The following LRP1B variants were observed in gnomAD, a reference collection of about 807,000 sequenced individuals.
LRP1B encodes the protein LDL receptor related protein 1B.
A neutral mutation model predicts 556.6 loss-of-function variants in LRP1B; 217 were observed. The ratio of observed to expected loss-of-function variants is 0.39; its 90% CI spans 0.35 to 0.44. LRP1B has a LOEUF of 0.44. Ranked by LOEUF, LRP1B falls within the 20% of genes least tolerant of loss-of-function variation. LRP1B has a pLI of 1.00. For missense variants in LRP1B, 5,053 were observed against 5,620.8 expected (o/e 0.90, Z 3.23); for synonymous variants, 2,047 against 1,865.8 (o/e 1.10, Z -2.50).
At chr2:141,851,887 C>G (rs930547827) in intron 1 of LRP1B, among the ~76,000 whole-genome samples, 2 of 151,686 alleles carry the variant, frequency 1.3e-5, no homozygotes, top group African/African-American at 4.8e-5. Flanking sequence ...TCCCTGCTCT[C>G]AAGAGAGTGA....
intron 3 of LRP1B, among the ~76,000 whole-genome samples, chr2:141,463,563 TATTATATATTATATATA>T (rs1315157425): frequency 2.1e-4 from 3 of 14,382 alleles, no homozygotes; most frequent in Non-Finnish European, 3.6e-4. Context: ...ATATAATATA[TATTATATATTATATATA>T]ATTATATATA....
At chr2:141,406,264 T>C (rs761588394) in intron 3 of LRP1B, among the ~76,000 whole-genome samples, 1 of 152,104 alleles carries the variant, frequency 6.6e-6, no homozygotes, top group Non-Finnish European at 1.5e-5. Flanking sequence ...AATTTGGCAG[T>C]ATGTGAATAT....
At chr2:140,588,770 T>C (rs1167089463) in intron 43 of LRP1B, among the ~76,000 whole-genome samples, 3 of 152,144 alleles carry the variant, frequency 2.0e-5, no homozygotes, top group South Asian at 2.1e-4. Context: ...TCAGCCTGGC[T>C]AACACGGTGA....
intron 32 of LRP1B, among the ~76,000 whole-genome samples, chr2:140,780,599 T>C (rs1689663975): frequency 6.6e-6 from 1 of 152,154 alleles, no homozygotes; most frequent in Admixed American, 6.5e-5. Context: ...CAATGGGTCT[T>C]GAGCAGAAAC....
intron 2 of LRP1B, among the ~76,000 whole-genome samples, chr2:141,711,632 C>T (rs551014742): frequency 1.1e-4 from 16 of 152,228 alleles, no homozygotes; most frequent in Non-Finnish European, 2.1e-4. Flanking sequence ...AAATAAAATT[C>T]CCTTTAATAT....
intron 2 of LRP1B, among the ~76,000 whole-genome samples, chr2:141,536,946 T>C (rs1194946065): frequency 6.6e-6 from 1 of 151,534 alleles, no homozygotes; most frequent in Non-Finnish European, 1.5e-5. Flanking sequence ...TCACCAATTC[T>C]CCCCATACCT....
intron 1 of LRP1B, among the ~76,000 whole-genome samples, chr2:141,944,721 G>A (rs1272568712): frequency 6.6e-6 from 1 of 152,012 alleles, no homozygotes; most frequent in Non-Finnish European, 1.5e-5. Context: ...AGAATGACCA[G>A]GACTAAAAAA....
intron 83 of LRP1B, among the ~76,000 whole-genome samples, chr2:140,300,962 T>C (rs1683795318): frequency 6.6e-6 from 1 of 152,114 alleles, no homozygotes; most frequent in Non-Finnish European, 1.5e-5. Context: ...TGGTTATGTC[T>C]ACCAAGGTAC....
intron 2 of LRP1B, among the ~76,000 whole-genome samples, chr2:141,515,733 T>C (rs976758755): frequency 1.3e-5 from 2 of 152,108 alleles, no homozygotes; most frequent in African/African-American, 4.8e-5. Flanking sequence ...CAAGGGGAAA[T>C]GATATGATAT....
chr2:140,804,649 ATTTTT>A (rs869167644), intron 32 of LRP1B, among the ~76,000 whole-genome samples: 3 of 57,936 alleles, frequency 5.2e-5, no homozygotes, highest in Non-Finnish European at 6.9e-5. Flanking sequence ...GTAAAAACTA[ATTTTT>A]TTTTTTTTTT....
chr2:141,020,311 G>T (rs113909090), intron 11 of LRP1B, among the ~76,000 whole-genome samples: 12 of 151,846 alleles, frequency 7.9e-5, no homozygotes, highest in African/African-American at 2.4e-4. Flanking sequence ...GTGAATAATA[G>T]GCCCTCTCTC....
chr2:141,875,869 G>GT (rs1294287223), intron 1 of LRP1B, among the ~76,000 whole-genome samples: 2 of 151,852 alleles, frequency 1.3e-5, no homozygotes, highest in African/African-American at 4.8e-5. Context: ...ACTTATATAT[G>GT]TTTTTTCCAA....
intron 43 of LRP1B, among the ~76,000 whole-genome samples, chr2:140,553,422 A>AACACAC (rs61540618): frequency 0.053 from 7,893 of 148,228 alleles, 396 homozygotes; most frequent in African/African-American, 0.14. Flanking sequence ...TTGTGCTCTT[A>AACACAC]ACACACACAC....
rs1559173827 is a variant in LRP1B, at chr2:140,883,859, G to A, written c.4127C>T (p.Ala1376Val). ...AGCAATGGCCCTGGGGTGTTCCATGGCTCCTGCTATTAGTGTAGTTCTTAG... is the reference window on the plus strand; with the variant it reads ...AGCAATGGCCCTGGGGTGTTCCATGACTCCTGCTATTAGTGTAGTTCTTAG... ...GSLRTTLIAG[A>V]MEHPRAIALD... Residue 1376 changes from alanine to valine, a missense_variant, in exon 25 of 91, where the codon GCC (alanine) becomes GTC (valine). By Grantham distance (64) the Ala-to-Val change is moderately conservative (BLOSUM62 0). Transcript: ENST00000389484. 6.2e-7 allele frequency: 1 copy of A among 1,613,866 alleles called. No individual in the cohort carries two copies. Among genetic ancestry groups the A allele is most frequent in the South Asian group, 1.1e-5 (1 of 91,070 alleles).
intron 2 of LRP1B, among the ~76,000 whole-genome samples, chr2:141,696,899 G>A (rs978272238): frequency 2.0e-5 from 3 of 151,836 alleles, no homozygotes; most frequent in African/African-American, 7.2e-5. Flanking sequence ...AAAGAAATGG[G>A]CGATGTTAAA....
chr2:141,942,121 G>A (rs1700825025), intron 1 of LRP1B, among the ~76,000 whole-genome samples: 1 of 152,098 alleles, frequency 6.6e-6, no homozygotes, highest in Non-Finnish European at 1.5e-5. Context: ...GTTCATCTGG[G>A]TTAAAATTCT....
intron 41 of LRP1B, among the ~76,000 whole-genome samples, chr2:140,677,094 T>A (rs1425509815): frequency 6.6e-6 from 1 of 152,034 alleles, no homozygotes; most frequent in East Asian, 1.9e-4. Context: ...TATACAAGAG[T>A]AGTCTGAGAA....
chr2:141,020,282 A>T (rs1698028447), intron 11 of LRP1B, among the ~76,000 whole-genome samples, 180 bp from the exon 12 acceptor site: 1 of 152,048 alleles, frequency 6.6e-6, no homozygotes, highest in Non-Finnish European at 1.5e-5. Context: ...TTTCAATTTT[A>T]TTTTGAATGC....
intron 1 of LRP1B, among the ~76,000 whole-genome samples, chr2:142,058,517 C>CA (rs1361817609): frequency 6.6e-6 from 1 of 152,062 alleles, no homozygotes; most frequent in Non-Finnish European, 1.5e-5. Context: ...GAAACAAATT[C>CA]AAAAACCTTC....
Sources: gnomAD v4.1 joint callset for allele counts (sites outside exome capture counted in the v4.1 genomes callset) on GRCh38, gnomAD v4.1.1 for gene constraint, MANE v1.5 for transcripts, NCBI Gene and HGNC (gene_info 2026-07-23, HGNC 2026-07-21) for gene names.